The following PCDHGB5 variants were observed in gnomAD, a reference collection of about 807,000 sequenced individuals.
PCDHGB5 encodes the protein protocadherin gamma-B5.
Under a neutral mutation model 62.9 loss-of-function variants are expected in PCDHGB5, and 48 were observed. The ratio of observed to expected loss-of-function variants is 0.76; its 90% CI spans 0.61 to 0.97. The LOEUF (loss-of-function observed/expected upper bound fraction) is 0.97, where lower values mean the gene tolerates loss of function less well. Ranked by LOEUF, PCDHGB5 falls within the 50% of genes least tolerant of loss-of-function variation. The pLI is 0.00. For synonymous variants in PCDHGB5, 474 were observed against 511.2 expected, an observed-to-expected ratio of 0.93 and a Z score of 0.98; for missense variants, 1,118 against 1,198.6, an observed-to-expected ratio of 0.93 and a Z score of 0.99.
chr5:141,483,887 C>G (rs147069309), intron 1 of PCDHGB5, among the ~76,000 whole-genome samples: 13 of 152,036 alleles, frequency 8.6e-5, no homozygotes, highest in Non-Finnish European at 1.2e-4. Context: ...TTTTCTATTT[C>G]TCTGAGCTCT....
At chr5:141,463,103 A>G (rs1235750988) in intron 1 of PCDHGB5, among the ~76,000 whole-genome samples, 1 of 152,206 alleles carries the variant, frequency 6.6e-6, no homozygotes, top group African/African-American at 2.4e-5. Context: ...GTGACCATCA[A>G]GAATTCAGCT....
intron 1 of PCDHGB5, chr5:141,492,015 G>A (rs117345436): frequency 3.3e-6 from 2 of 600,492 alleles, no homozygotes; most frequent in African/African-American, 1.9e-5. Context: ...CGCGGGTGTC[G>A]GGGGTCCCGG....
chr5:141,497,824 T>G (rs1164705269), intron 2 of PCDHGB5, among the ~76,000 whole-genome samples: 1 of 152,086 alleles, frequency 6.6e-6, no homozygotes, highest in African/African-American at 2.4e-5. Flanking sequence ...ACAGGTGTGA[T>G]CGCCCCCGGC....
At chr5:141,429,387 T>TTA (rs775632416) in intron 1 of PCDHGB5, among the ~76,000 whole-genome samples, 40 of 151,448 alleles carry the variant, frequency 2.6e-4, no homozygotes, top group African/African-American at 7.0e-4. Context: ...GTTTTTTTTT[T>TTA]AAAAAAAATT....
At chr5:141,419,567 G>A in intron 1 of PCDHGB5, 1 of 1,611,758 alleles carries the variant, frequency 6.2e-7, no homozygotes, top group Non-Finnish European at 8.5e-7. Context: ...GCTGGGTCCC[G>A]ACGGCTCCGC....
In PCDHGB5 at chr5:141,415,509, T is replaced by C. The variant is rs1296405723; in HGVS notation, c.2397+14985T>C. The C allele has an allele frequency of 4.3e-6, 7 of 1,614,054 alleles. No individual in the cohort carries two copies. In the Admixed American group the frequency reaches 5.0e-5, roughly 12 times the overall value. On this transcript the variant is annotated intron_variant, in intron 1 of 3. Transcript: ENST00000617380. ...GTCACCTGATCTTCCCCCAGCCCAA[T>C]TATGCGGACACGCTCATCAGCCAGG...
intron 1 of PCDHGB5, chr5:141,409,054 T>TA: frequency 6.2e-7 from 1 of 1,614,028 alleles, no homozygotes; most frequent in African/African-American, 1.3e-5. Flanking sequence ...TCCGAAGCAC[T>TA]GCCCAGAGCA....
chr5:141,431,547 T>TA lies in PCDHGB5; in HGVS notation c.2397+31024dup. On this transcript the variant is annotated intron_variant, in intron 1 of 3. Transcript: ENST00000617380. The surrounding 1 kb of genome is among the most constrained non-coding windows in gnomAD (Gnocchi z 4.8). ...CTGGCCTTGGGCACGCAGCTGCTTG[T>TA]AGTCAACGCTACCGACCCTGACGAA... 6.2e-7 allele frequency: 1 copy of TA among 1,614,096 alleles called. No individual in the cohort carries two copies. The highest frequency in any genetic ancestry group is 8.5e-7 in the Non-Finnish European group (1 of 1,180,022).
chr5:141,414,443 A>G (rs1413718059), intron 1 of PCDHGB5: 1 of 1,613,892 alleles, frequency 6.2e-7, no homozygotes, highest in Non-Finnish European at 8.5e-7. Flanking sequence ...TCCTCTTACA[A>G]TATCACAGTG....
intron 1 of PCDHGB5, among the ~76,000 whole-genome samples, chr5:141,402,262 TA>T (rs1248031439): frequency 6.6e-6 from 1 of 151,912 alleles, no homozygotes; most frequent in Non-Finnish European, 1.5e-5. Context: ...CCCCAGAAAA[TA>T]ATTTCAAAGT....
chr5:141,478,352 G>T lies in PCDHGB5; in HGVS notation c.2398-16455G>T, dbSNP rs767743120. 36 of 1,613,674 alleles carry T rather than the reference G, an allele frequency of 2.2e-5. No homozygotes were observed. Among genetic ancestry groups the T allele is most frequent in the Non-Finnish European group, 3.1e-5 (36 of 1,180,016 alleles). On this transcript the variant is annotated intron_variant, in intron 1 of 3. Transcript: ENST00000617380. ...ACCAGGGCCCTCCTTGCACGCGGACGCCGTGCGGGGAGGCCTGATGTCGCC... is the reference window on the plus strand; with the variant it reads ...ACCAGGGCCCTCCTTGCACGCGGACTCCGTGCGGGGAGGCCTGATGTCGCC...
intron 1 of PCDHGB5, chr5:141,428,236 G>T: frequency 5.8e-6 from 6 of 1,027,096 alleles, no homozygotes; most frequent in Non-Finnish European, 8.9e-6. Flanking sequence ...CAGCCTGCAG[G>T]AGGCACTGCC....
At chr5:141,492,163 C>T (rs921256341) in intron 1 of PCDHGB5, among the ~76,000 whole-genome samples, 22 of 152,232 alleles carry the variant, frequency 1.4e-4, no homozygotes, top group African/African-American at 5.3e-4. Context: ...CCTCCCTATC[C>T]CCGCATCACC....
intron 1 of PCDHGB5, chr5:141,415,818 A>G: frequency 2.3e-6 from 3 of 1,325,056 alleles, no homozygotes; most frequent in Middle Eastern, 2.8e-4. Context: ...CCTATATATC[A>G]TAAGGCTTTG....
intron 2 of PCDHGB5, among the ~76,000 whole-genome samples, chr5:141,496,500 C>T (rs1350421492): frequency 6.6e-6 from 1 of 152,162 alleles, no homozygotes; most frequent in Non-Finnish European, 1.5e-5. Flanking sequence ...ACCCTTGTTG[C>T]CACAAGGACC....
At position 141,432,180 on chromosome 5, in the gene PCDHGB5, T is replaced by G. The variant is rs943491593; in HGVS notation, c.2397+31656T>G. 2 of 1,614,044 alleles carry G rather than the reference T, an allele frequency of 1.2e-6. No homozygotes were observed. The highest frequency in any genetic ancestry group is 1.7e-6 in the Non-Finnish European group (2 of 1,180,036). ...CCCAGAGGAGTTTCCCTCGTCTCTG[T>G]GACCGCCCACGACCCCGACTGTGAA... On this transcript the variant is annotated intron_variant, in intron 1 of 3. Coordinates refer to ENST00000617380, the MANE Select transcript of PCDHGB5 (RefSeq NM_018925.3). This position sits in a 1 kb window ranked among gnomAD's most constrained non-coding sequence, Gnocchi z 6.0.
intron 1 of PCDHGB5, chr5:141,422,845 G>A: frequency 6.2e-7 from 1 of 1,614,230 alleles, no homozygotes; most frequent in Non-Finnish European, 8.5e-7. Context: ...TGACAGCGGG[G>A]ACCCGCCCCT....
At chr5:141,403,949 G>C (rs1167033357) in intron 1 of PCDHGB5, 2 of 1,613,886 alleles carry the variant, frequency 1.2e-6, no homozygotes, top group Non-Finnish European at 1.7e-6. Flanking sequence ...GTGGACAAAA[G>C]TGCTCATTTC....
At chr5:141,450,796 G>GTATT (rs1490825772) in intron 1 of PCDHGB5, among the ~76,000 whole-genome samples, 8 of 145,976 alleles carry the variant, frequency 5.5e-5, no homozygotes, top group African/African-American at 1.8e-4. Flanking sequence ...CCTCATGATT[G>GTATT]TATTTATTTA....
Sources: gnomAD v4.1 joint callset for allele counts (sites outside exome capture counted in the v4.1 genomes callset) on GRCh38, gnomAD v4.1.1 for gene constraint, Gnocchi (gnomAD v3.1) non-coding constraint, MANE v1.5 for transcripts, NCBI Gene and HGNC (gene_info 2026-07-23, HGNC 2026-07-21) for gene names.